The following SKI variants were observed in gnomAD, a reference collection of about 807,000 sequenced individuals.
SKI encodes the protein ski oncogene.
A neutral mutation model predicts 59.3 loss-of-function variants in SKI; 23 were observed. The observed-to-expected ratio is 0.39, with a 90% CI of 0.28 to 0.55. SKI has a LOEUF of 0.55. Ranked by LOEUF, SKI falls within the 20% of genes least tolerant of loss-of-function variation. The pLI is 0.67. For synonymous variants in SKI, 673 were observed against 488.6 expected, an observed-to-expected ratio of 1.38 and a Z score of -4.98; for missense variants, 1,017 against 1,038.9, an observed-to-expected ratio of 0.98 and a Z score of 0.29.
intron 1 of SKI, among the ~76,000 whole-genome samples, chr1:2,287,130 G>A (rs1407091693): frequency 6.6e-6 from 1 of 152,122 alleles, no homozygotes; most frequent in African/African-American, 2.4e-5. Context: ...GAGGGCCCCT[G>A]CGCACCCTCC....
Position 2,303,788 on chromosome 1 carries a change from G to A in SKI, c.1212-52G>A. 6.3e-7 allele frequency: 1 copy of A among 1,596,262 alleles called. No individual in the cohort carries two copies. Among genetic ancestry groups the A allele is most frequent in the Non-Finnish European group, 8.5e-7 (1 of 1,175,566 alleles). ...AGGGGGTGTGCGCCAGGATGTGTCT[G>A]GGTGGTGCTTGGGGACAGAGGCACC... On this transcript the variant is annotated intron_variant, in intron 3 of 6. Transcript: ENST00000378536. This position sits in a 1 kb window ranked among gnomAD's most constrained non-coding sequence, Gnocchi z 5.6.
intron 1 of SKI, among the ~76,000 whole-genome samples, chr1:2,302,401 A>C (rs1405093039): frequency 1.3e-5 from 2 of 152,126 alleles, no homozygotes; most frequent in Non-Finnish European, 2.9e-5. Flanking sequence ...GGGCAGCCAG[A>C]ATGCCCACTC....
rs1640483334 is a variant in SKI at position 2,303,646 on chromosome 1, G to A, written c.1212-194G>A. On this transcript the variant is annotated intron_variant, in intron 3 of 6. Coordinates refer to ENST00000378536, the MANE Select transcript of SKI (RefSeq NM_003036.4). The surrounding 1 kb of genome is among the most constrained non-coding windows in gnomAD (Gnocchi z 5.6). ...GCGCAGCTTCTTGATGTGTTGGCCT[G>A]TGTCTGGCCTTCGCAAGAGACCCAG... The A allele has an allele frequency of 3.8e-6, 3 of 785,782 alleles. No individual in the cohort carries two copies. The highest frequency in any genetic ancestry group is 5.3e-5 in the East Asian group (2 of 37,444). The allele number at this position is 785,782 out of a possible 1,614,324, so 48.7% of individuals were successfully genotyped here. A position where few individuals can be genotyped will look rare whatever the true frequency, so the allele number is the denominator to read the frequency against.
chr1:2,245,909 G>A (rs1437460189), intron 1 of SKI, among the ~76,000 whole-genome samples: 1 of 141,136 alleles, frequency 7.1e-6, no homozygotes, highest in Non-Finnish European at 1.5e-5. Context: ...TGATTCTCCT[G>A]CCTCAGCCTC....
rs911242277 is a variant in SKI, at chr1:2,307,721, CGT to C, written c.*957_*958del. 4.6e-5 allele frequency: 7 copies of C among 152,554 alleles called. No homozygotes were observed. The highest frequency in any genetic ancestry group is 1.4e-4 in the African/African-American group (6 of 41,498). 9.5% of individuals were successfully genotyped at this position (152,554 alleles called of 1,614,324 possible). On this transcript the variant is annotated 3_prime_UTR_variant, in exon 7 of 7. Transcript: ENST00000378536. ...CTTTTTTTTTGTTCGTTCATTTAAA[CGT>C]ATATTTAGAACTGCACTTTGTCCAC...
intron 1 of SKI, among the ~76,000 whole-genome samples, chr1:2,299,117 G>A (rs1021447128): frequency 6.6e-6 from 1 of 152,260 alleles, no homozygotes; most frequent in Non-Finnish European, 1.5e-5. Context: ...GAAGGTTCAA[G>A]GAAGCGACCG....
chr1:2,303,481 C>T lies in SKI; in HGVS notation c.1211+81C>T, dbSNP rs1483058031. ...TGTGCATGCGGACGCGCCCATGTTTCTGCAGGCTGGGTGCCCAGACCTGCC... is the reference window on the plus strand; with the variant it reads ...TGTGCATGCGGACGCGCCCATGTTTTTGCAGGCTGGGTGCCCAGACCTGCC... On this transcript the variant is annotated intron_variant, in intron 3 of 6. Coordinates refer to ENST00000378536, the MANE Select transcript of SKI (RefSeq NM_003036.4). The surrounding 1 kb of genome is among the most constrained non-coding windows in gnomAD (Gnocchi z 5.6). 8 of 1,309,610 alleles carry T rather than the reference C, an allele frequency of 6.1e-6. No homozygotes were observed. Among genetic ancestry groups the T allele is most frequent in the Non-Finnish European group, 8.7e-6 (8 of 922,544 alleles). 81.1% of individuals were successfully genotyped at this position (1,309,610 alleles called of 1,614,324 possible).
At chr1:2,292,108 TG>T (rs1640174679) in intron 1 of SKI, among the ~76,000 whole-genome samples, 1 of 152,192 alleles carries the variant, frequency 6.6e-6, no homozygotes, top group Non-Finnish European at 1.5e-5. Context: ...TGAGGGTATT[TG>T]GGGGTGCACC....
chr1:2,243,510 G>A (rs746038007), intron 1 of SKI, among the ~76,000 whole-genome samples: 20 of 152,242 alleles, frequency 1.3e-4, no homozygotes, highest in South Asian at 2.1e-4. Context: ...CAGTGTCACC[G>A]TGCAGCTTTG....
In SKI at chr1:2,306,769, C is replaced by G; in HGVS notation, c.*4C>G. On this transcript the variant is annotated 3_prime_UTR_variant, in exon 7 of 7. Coordinates refer to ENST00000378536, the MANE Select transcript of SKI (RefSeq NM_003036.4). ...CGCTGCGGAGCTGGAGCCGTAGATT[C>G]CGTGCCTGCCGCCGCAGCGCCGCCG... The G allele has an allele frequency of 1.3e-6, 2 of 1,502,234 alleles. No homozygotes were observed. The highest frequency in any genetic ancestry group is 2.7e-5 in the East Asian group (1 of 36,948). The allele number at this position is 1,502,234 out of a possible 1,614,324, so 93.1% of individuals were successfully genotyped here. A position where few individuals can be genotyped will look rare whatever the true frequency, so the allele number is the denominator to read the frequency against.
At chr1:2,266,362 C>T (rs1450780150) in intron 1 of SKI, among the ~76,000 whole-genome samples, 1 of 152,186 alleles carries the variant, frequency 6.6e-6, no homozygotes, top group East Asian at 1.9e-4. Flanking sequence ...CTGTGTGGTG[C>T]TCCCTTCTCT....
intron 1 of SKI, among the ~76,000 whole-genome samples, chr1:2,246,961 G>T (rs1252979637): frequency 6.6e-6 from 1 of 152,212 alleles, no homozygotes; most frequent in Non-Finnish European, 1.5e-5. Flanking sequence ...GGTGGCTCAC[G>T]CCTGTAATCC....
chr1:2,286,903 A>G (rs150456395), intron 1 of SKI, among the ~76,000 whole-genome samples: 4 of 152,324 alleles, frequency 2.6e-5, no homozygotes, highest in South Asian at 2.1e-4. Flanking sequence ...GGTCACGGAG[A>G]ACTTTGCTTA....
intron 1 of SKI, among the ~76,000 whole-genome samples, chr1:2,273,621 T>C (rs1639676177): frequency 1.3e-5 from 2 of 152,136 alleles, no homozygotes; most frequent in South Asian, 4.1e-4. Flanking sequence ...GTGGCTGACC[T>C]GGTGGGGGGT....
intron 1 of SKI, among the ~76,000 whole-genome samples, chr1:2,296,088 A>G (rs751005121): frequency 6.6e-6 from 1 of 152,020 alleles, no homozygotes; most frequent in Non-Finnish European, 1.5e-5. Context: ...CACTTGTCCA[A>G]ACTAAAAAAT....
At chr1:2,297,358 T>C (rs1640309775) in intron 1 of SKI, among the ~76,000 whole-genome samples, 4 of 152,182 alleles carry the variant, frequency 2.6e-5, no homozygotes, top group Admixed American at 6.5e-5. Context: ...TAGCAGAGTG[T>C]TGCTGGGCCA....
Position 2,306,762 on chromosome 1 carries a change from G to A in SKI, c.2184G>A (p.Pro728=), listed in dbSNP as rs543584871. The part of the protein sequence containing the change: ...AGSEGAAELE[P] Reference sequence around the variant, plus strand: ...GCGAGGGCGCTGCGGAGCTGGAGCCGTAGATTCCGTGCCTGCCGCCGCAGC... The same window carrying A: ...GCGAGGGCGCTGCGGAGCTGGAGCCATAGATTCCGTGCCTGCCGCCGCAGC... Residue 728 remains proline (P), a synonymous_variant, in exon 7 of 7, where the codon CCG becomes CCA. Coordinates refer to ENST00000378536, the MANE Select transcript of SKI (RefSeq NM_003036.4). 11 of 1,513,356 alleles carry A rather than the reference G, an allele frequency of 7.3e-6. No homozygotes were observed. Among genetic ancestry groups the A allele is most frequent in the African/African-American group, 2.9e-5 (2 of 69,376 alleles). The allele number at this position is 1,513,356 out of a possible 1,614,324, so 93.7% of individuals were successfully genotyped here. A position where few individuals can be genotyped will look rare whatever the true frequency, so the allele number is the denominator to read the frequency against.
In SKI at chr1:2,303,574, G is replaced by A. The variant is rs897472161; in HGVS notation, c.1211+174G>A. 7.3e-5 allele frequency: 50 copies of A among 688,988 alleles called. No individual in the cohort carries two copies. In the East Asian group the frequency reaches 9.5e-4, roughly 13 times the overall value. 42.7% of individuals were successfully genotyped at this position (688,988 alleles called of 1,614,324 possible). On this transcript the variant is annotated intron_variant, in intron 3 of 6. Transcript: ENST00000378536. This position sits in a 1 kb window ranked among gnomAD's most constrained non-coding sequence, Gnocchi z 5.6. ...GCATCAGGGAGAGCACACCTAGAGCGTTCCCTGTGTTCTGGGTGGAGTCGT... is the reference window on the plus strand; with the variant it reads ...GCATCAGGGAGAGCACACCTAGAGCATTCCCTGTGTTCTGGGTGGAGTCGT...
At position 2,301,135 on chromosome 1, in the gene SKI, G is replaced by A. The variant is rs564383283; in HGVS notation, c.970-1843G>A. On this transcript the variant is annotated intron_variant, in intron 1 of 6. Coordinates refer to ENST00000378536, the MANE Select transcript of SKI (RefSeq NM_003036.4). ...GACAGGAAGCTCCACCCAGCCGGGC[G>A]TCCTCGGCCTTCTGTGCCTCTCGGG... Among the ~76,000 whole-genome samples, 8 of 152,276 alleles carry A rather than the reference G, an allele frequency of 5.3e-5. 1 individual carries two copies. The South Asian group carries it at 1.5e-3, about 28-fold the overall frequency.
Sources: gnomAD v4.1 joint callset for allele counts (sites outside exome capture counted in the v4.1 genomes callset) on GRCh38, gnomAD v4.1.1 for gene constraint, Gnocchi (gnomAD v3.1) non-coding constraint, MANE v1.5 for transcripts, NCBI Gene and HGNC (gene_info 2026-07-23, HGNC 2026-07-21) for gene names.